The following FBRSL1 variants were observed in gnomAD, a reference collection of about 807,000 sequenced individuals.
FBRSL1 encodes fibrosin like 1, also known as fibrosin-1-like protein.
FBRSL1 carries 51 observed loss-of-function variants against 89.6 expected under a neutral mutation model. That is an observed-to-expected ratio of 0.57 (90% CI 0.45 to 0.72). The LOEUF is 0.72. FBRSL1 is among the 30% of genes least tolerant of loss of function. The pLI is 0.00. For synonymous variants in FBRSL1, 779 were observed against 681.1 expected (o/e 1.14, Z -2.24); for missense variants, 1,618 against 1,451.8 (o/e 1.11, Z -1.86).
At chr12:132,527,652 G>A (rs1447349420) in intron 3 of FBRSL1, among the ~76,000 whole-genome samples, 10 of 147,696 alleles carry the variant, frequency 6.8e-5, no homozygotes, top group Admixed American at 2.7e-4. Flanking sequence ...GCGGGGCTGC[G>A]GGGCAGGGTT....
In FBRSL1 at chr12:132,583,407, C is replaced by A. The variant is rs972066469; in HGVS notation, c.2638C>A (p.Pro880Thr). ...CCCGGGCTCCGCCGCCCTCTTGGAG[C>A]CCCCGGAGCGCCCCTACCGCGACCG... ...PAPGSAALLE[P>T]PERPYRDREP... The change falls in exon 19 of 19, where the codon CCC (proline) becomes ACC (threonine). Residue 880 changes from proline (P) to threonine (T), a missense_variant. Physicochemically the swap from Pro to Thr is conservative, Grantham distance 38. Coordinates refer to ENST00000680143, the MANE Select transcript of FBRSL1 (RefSeq NM_001367871.1). The A allele has an allele frequency of 2.4e-5, 26 of 1,076,812 alleles. No homozygotes were observed. Among genetic ancestry groups the A allele is most frequent in the Non-Finnish European group, 2.8e-5 (25 of 888,656 alleles). The allele number at this position is 1,076,812 out of a possible 1,614,324, so 66.7% of individuals were successfully genotyped here. A position where few individuals can be genotyped will look rare whatever the true frequency, so the allele number is the denominator to read the frequency against.
At chr12:132,504,772 C>T (rs1322864196) in intron 1 of FBRSL1, among the ~76,000 whole-genome samples, 2 of 152,144 alleles carry the variant, frequency 1.3e-5, no homozygotes, top group Non-Finnish European at 2.9e-5. Flanking sequence ...TCTCTTGTGT[C>T]TTCATTCGAC....
chr12:132,516,136 G>T (rs1349526511), intron 2 of FBRSL1, among the ~76,000 whole-genome samples: 1 of 151,742 alleles, frequency 6.6e-6, no homozygotes, highest in African/African-American at 2.4e-5. Flanking sequence ...AGGTGAAGTG[G>T]GCAAATTACT....
chr12:132,546,401 G>A lies in FBRSL1; in HGVS notation c.616-1602G>A, dbSNP rs2037688619. Reference sequence around the variant, plus strand: ...GCCCTCAGTTCTTGTGTGGTGGGCCGGGCTGGGCGGGTGCAGGTGGGACTG... The same window carrying A: ...GCCCTCAGTTCTTGTGTGGTGGGCCAGGCTGGGCGGGTGCAGGTGGGACTG... On this transcript the variant is annotated intron_variant, in intron 4 of 18. Coordinates refer to ENST00000680143, the MANE Select transcript of FBRSL1 (RefSeq NM_001367871.1). The surrounding 1 kb of genome is among the most constrained non-coding windows in gnomAD (Gnocchi z 4.0). Among the ~76,000 whole-genome samples, 2 of 152,254 alleles carry A rather than the reference G, an allele frequency of 1.3e-5. No individual in the cohort carries two copies. The highest frequency in any genetic ancestry group is 2.1e-4 in the South Asian group (1 of 4,832).
At position 132,572,420 on chromosome 12, in the gene FBRSL1, CCCTCGCCTGG is replaced by C. The variant is rs1051037816; in HGVS notation, c.1434+84_1435-90del. On this transcript the variant is annotated intron_variant, in intron 10 of 18. Transcript: ENST00000680143. ...GCCACGGGGCGGTGGGTGGGGCTGC[CCCTCGCCTGG>C]CCTCGCCCCTGCTGCATTGGTGCCA... 2.6e-6 allele frequency: 4 copies of C among 1,521,200 alleles called. No homozygotes were observed. In the African/African-American group the frequency reaches 5.5e-5, roughly 21 times the overall value. The allele number at this position is 1,521,200 out of a possible 1,614,324, so 94.2% of individuals were successfully genotyped here.
chr12:132,535,400 G>A (rs991262557), intron 4 of FBRSL1, among the ~76,000 whole-genome samples: 7 of 152,254 alleles, frequency 4.6e-5, no homozygotes, highest in African/African-American at 9.6e-5. Context: ...GCCATCCGCT[G>A]TGGGGACGTA....
chr12:132,557,214 G>A (rs1001208318), intron 5 of FBRSL1, among the ~76,000 whole-genome samples: 13 of 152,208 alleles, frequency 8.5e-5, no homozygotes, highest in Admixed American at 2.0e-4. Context: ...TTTCTGAACC[G>A]TAAGCTCTGG....
chr12:132,510,759 T>G, intron 2 of FBRSL1: 5 of 1,169,784 alleles, frequency 4.3e-6, no homozygotes, highest in East Asian at 4.0e-5. Context: ...CCCACCCGCG[T>G]TGCTGCCTGT....
intron 5 of FBRSL1, among the ~76,000 whole-genome samples, chr12:132,556,182 C>A (rs1284161714): frequency 6.6e-6 from 1 of 152,186 alleles, no homozygotes; most frequent in African/African-American, 2.4e-5. Flanking sequence ...TGCTTTTCTC[C>A]CGACATTCCG....
Position 132,581,536 on chromosome 12 carries a change from G to A in FBRSL1, c.1912+20G>A, listed in dbSNP as rs1414889031. On this transcript the variant is annotated intron_variant, in intron 16 of 18. Coordinates refer to ENST00000680143, the MANE Select transcript of FBRSL1 (RefSeq NM_001367871.1). ...TGACAGGTGGGTGTCTCTGAATTCA[G>A]CCCACGCAGCCTGGCTGGTTCCTCA... 2.6e-6 allele frequency: 4 copies of A among 1,549,834 alleles called. No individual in the cohort carries two copies. Among genetic ancestry groups the A allele is most frequent in the Non-Finnish European group, 1.7e-6 (2 of 1,146,090 alleles).
chr12:132,510,704 G>A, intron 2 of FBRSL1: 1 of 1,219,750 alleles, frequency 8.2e-7, no homozygotes, highest in Non-Finnish European at 1.0e-6. Flanking sequence ...GCGTCTGCCT[G>A]CCGCCCCGCC....
chr12:132,533,192 T>C (rs2036441089), intron 4 of FBRSL1, among the ~76,000 whole-genome samples: 1 of 150,180 alleles, frequency 6.7e-6, no homozygotes, highest in African/African-American at 2.5e-5. Context: ...AGCCTCTCCC[T>C]GGAGTCAGAG....
chr12:132,581,704 C>T, intron 16 of FBRSL1, 37 bp from the exon 17 acceptor site: 2 of 1,543,678 alleles, frequency 1.3e-6, no homozygotes, highest in Non-Finnish European at 1.8e-6. Context: ...GCAGCCCACG[C>T]CTCACAGACC....
intron 5 of FBRSL1, among the ~76,000 whole-genome samples, chr12:132,557,844 T>G (rs1239441024): frequency 5.9e-5 from 9 of 152,168 alleles, no homozygotes; most frequent in Non-Finnish European, 1.2e-4. Flanking sequence ...TCCCGTGCCC[T>G]GTACCCAGAG....
In FBRSL1 at chr12:132,525,776, G is replaced by C; in HGVS notation, c.532G>C (p.Asp178His). The change falls in exon 3 of 19, where the codon GAC (aspartate) becomes CAC (histidine). Residue 178 changes from aspartate (D) to histidine (H), a missense_variant. Physicochemically the swap from Asp to His is moderately conservative, Grantham distance 81. Coordinates refer to ENST00000680143, the MANE Select transcript of FBRSL1 (RefSeq NM_001367871.1). ...VSKGGDRDSD[D>H]DSVLEATSSR... ...CAAAGGGGGCGACCGGGACAGTGAC[G>C]ACGACAGCGTCCTCGAAGCCACCAG... The C allele has an allele frequency of 6.5e-7, 1 of 1,549,936 alleles. No homozygotes were observed. Among genetic ancestry groups the C allele is most frequent in the South Asian group, 1.2e-5 (1 of 84,066 alleles).
intron 2 of FBRSL1, chr12:132,509,440 A>G (rs1215708385): frequency 3.2e-6 from 4 of 1,239,754 alleles, no homozygotes; most frequent in Non-Finnish European, 4.0e-6. Flanking sequence ...TGCCGGCCCC[A>G]GCGGCTCCTT....
chr12:132,561,920 C>T (rs1408214734), intron 5 of FBRSL1, among the ~76,000 whole-genome samples: 1 of 152,190 alleles, frequency 6.6e-6, no homozygotes, highest in Non-Finnish European at 1.5e-5. Flanking sequence ...ATTTGGGAGC[C>T]TGGCCCAAGG....
chr12:132,506,856 G>A (rs896904209), intron 1 of FBRSL1, among the ~76,000 whole-genome samples: 8 of 152,248 alleles, frequency 5.3e-5, no homozygotes, highest in Non-Finnish European at 7.3e-5. Flanking sequence ...GCTGGGCCTC[G>A]GGGAGGCAAG....
intron 5 of FBRSL1, among the ~76,000 whole-genome samples, chr12:132,555,784 G>A (rs1035708090): frequency 6.6e-6 from 1 of 152,184 alleles, no homozygotes; most frequent in Non-Finnish European, 1.5e-5. Flanking sequence ...AATGACGCCA[G>A]TCCTCGGATT....
Sources: allele counts gnomAD v4.1 joint callset (sites outside exome capture counted in the v4.1 genomes callset), GRCh38; gene constraint gnomAD v4.1.1; non-coding constraint Gnocchi (gnomAD v3.1); transcripts MANE v1.5; gene names NCBI Gene and HGNC (gene_info 2026-07-23, HGNC 2026-07-21).